The following NTM variants were observed in gnomAD, a reference collection of about 807,000 sequenced individuals.
NTM encodes the protein IgLON family member 2.
A neutral mutation model predicts 42.1 loss-of-function variants in NTM; 13 were observed. That is an observed-to-expected ratio of 0.31 (90% CI 0.20 to 0.49). NTM has a LOEUF of 0.49. Ranked by LOEUF, NTM falls within the 20% of genes least tolerant of loss-of-function variation. The probability of loss-of-function intolerance (pLI) is 0.99; values close to 1 mark genes in which losing one functional copy is unlikely to be tolerated. For missense variants in NTM, 373 were observed against 452.8 expected (o/e 0.82, Z 1.60); for synonymous variants, 187 against 179.2 (o/e 1.04, Z -0.35).
At chr11:131,881,610 A>G (rs918061935) in intron 1 of NTM, among the ~76,000 whole-genome samples, 4 of 151,958 alleles carry the variant, frequency 2.6e-5, no homozygotes, top group Admixed American at 2.6e-4. Flanking sequence ...GTGAGGCAGC[A>G]TTTTACTCCT....
chr11:132,014,816 C>A (rs990389339), intron 2 of NTM, among the ~76,000 whole-genome samples: 3 of 135,562 alleles, frequency 2.2e-5, no homozygotes, highest in Non-Finnish European at 4.6e-5. Context: ...AAATAGTTTG[C>A]AAATACTTTC....
intron 4 of NTM, among the ~76,000 whole-genome samples, chr11:132,232,004 G>A (rs982315234): frequency 2.0e-5 from 3 of 152,176 alleles, no homozygotes; most frequent in Non-Finnish European, 4.4e-5. Flanking sequence ...GTGGGTGGAA[G>A]GCAGAGCAAG....
At chr11:131,825,485 G>T (rs11222806) in intron 1 of NTM, among the ~76,000 whole-genome samples, 16,384 of 152,158 alleles carry the variant, frequency 0.11, 994 homozygotes, top group Admixed American at 0.19. Flanking sequence ...GGACTGGTAA[G>T]TCATGTTACG....
chr11:132,133,219 C>G lies in NTM; in HGVS notation c.168-13063C>G, dbSNP rs188743973. On this transcript the variant is annotated intron_variant, in intron 2 of 8. Transcript: ENST00000683400. ...TCAGCAGAAACTTCACTTCTACAAG[C>G]CCTTCCCTGACCCATTAGACTAGGC... Among the ~76,000 whole-genome samples, 305 of 152,320 alleles carry G rather than the reference C, an allele frequency of 2.0e-3. 1 individual carries two copies. The highest frequency in any genetic ancestry group is 7.1e-3 in the African/African-American group (295 of 41,576).
chr11:131,521,383 CTTTTTTTT>C (rs773233050), intron 1 of NTM, among the ~76,000 whole-genome samples: 37 of 45,710 alleles, frequency 8.1e-4, no homozygotes, highest in African/African-American at 1.5e-3. Context: ...AGGTGCCAGT[CTTTTTTTT>C]TTTTTTTTTT....
chr11:132,017,115 GT>G (rs950594641), intron 2 of NTM, among the ~76,000 whole-genome samples: 2 of 151,244 alleles, frequency 1.3e-5, no homozygotes, highest in East Asian at 1.9e-4. Context: ...TAAATGGTGG[GT>G]TTTTTTTGAA....
intron 1 of NTM, among the ~76,000 whole-genome samples, chr11:131,855,561 T>A (rs748808471): frequency 1.3e-5 from 2 of 152,236 alleles, no homozygotes; most frequent in Non-Finnish European, 2.9e-5. Context: ...ATCATTTTCC[T>A]TTTTCCTGTT....
chr11:131,900,552 T>C (rs531827706), intron 1 of NTM, among the ~76,000 whole-genome samples: 17 of 152,174 alleles, frequency 1.1e-4, no homozygotes, highest in Non-Finnish European at 2.1e-4. Flanking sequence ...TGAGGAGATC[T>C]TGGCTTGGGC....
In NTM at chr11:132,003,056, G is replaced by A. The variant is rs181175084; in HGVS notation, c.167+91408G>A. Among the ~76,000 whole-genome samples the A allele has an allele frequency of 1.8e-4, 27 of 152,170 alleles. No individual in the cohort carries two copies. The highest frequency in any genetic ancestry group is 3.4e-3 in the Middle Eastern group (1 of 294). On this transcript the variant is annotated intron_variant, in intron 2 of 8. Coordinates refer to ENST00000683400, the MANE Select transcript of NTM (RefSeq NM_001352005.2). The surrounding 1 kb of genome is among the most constrained non-coding windows in gnomAD (Gnocchi z 6.0). ...AGGGTTAGGAAAGTAACTAGTGAGCGCACTAAACAGTAAGATGCGCTGCCA... is the reference window on the plus strand; with the variant it reads ...AGGGTTAGGAAAGTAACTAGTGAGCACACTAAACAGTAAGATGCGCTGCCA...
intron 4 of NTM, among the ~76,000 whole-genome samples, chr11:132,285,755 C>T (rs188205653): frequency 1.2e-4 from 19 of 152,288 alleles, no homozygotes; most frequent in South Asian, 2.1e-4. Flanking sequence ...CAATCTTCCC[C>T]GACTCTGCTC....
intron 1 of NTM, among the ~76,000 whole-genome samples, chr11:131,871,573 A>G (rs899133351): frequency 2.3e-4 from 35 of 152,196 alleles, no homozygotes; most frequent in Non-Finnish European, 4.9e-4. Context: ...TGCCTCTTCT[A>G]TGTTTATTAA....
At chr11:131,391,644 G>GAAAA (rs5795723) in intron 1 of NTM, among the ~76,000 whole-genome samples, 22 of 81,558 alleles carry the variant, frequency 2.7e-4, no homozygotes, top group Non-Finnish European at 3.1e-4. Flanking sequence ...TTTTATCTGG[G>GAAAA]AAAAAAAAAA....
chr11:132,151,597 G>GT (rs1172329442), intron 3 of NTM, among the ~76,000 whole-genome samples: 1 of 152,172 alleles, frequency 6.6e-6, no homozygotes, highest in African/African-American at 2.4e-5. Flanking sequence ...TTTCTCTTTT[G>GT]TCACTGGAGT....
chr11:132,232,076 A>G (rs1314529925), intron 4 of NTM, among the ~76,000 whole-genome samples: 1 of 152,194 alleles, frequency 6.6e-6, no homozygotes, highest in Non-Finnish European at 1.5e-5. Context: ...AAAGGGAATT[A>G]AAAACTTCAC....
intron 4 of NTM, among the ~76,000 whole-genome samples, chr11:132,285,605 T>G (rs967549134): frequency 6.6e-6 from 1 of 152,116 alleles, no homozygotes; most frequent in African/African-American, 2.4e-5. Context: ...CCATTACACT[T>G]ATCACTTTTT....
intron 2 of NTM, among the ~76,000 whole-genome samples, chr11:132,073,855 C>A (rs540511907): frequency 1.3e-5 from 2 of 152,098 alleles, no homozygotes; most frequent in Admixed American, 6.6e-5. Flanking sequence ...GGCCACAAAC[C>A]TGTTTGGGGT....
At chr11:131,701,534 G>A (rs534078587) in intron 1 of NTM, among the ~76,000 whole-genome samples, 1 of 152,218 alleles carries the variant, frequency 6.6e-6, no homozygotes, top group Non-Finnish European at 1.5e-5. Flanking sequence ...GGATCCAGAG[G>A]CACGGGCAAG....
chr11:131,643,051 GAAAA>G (rs34377077), intron 1 of NTM, among the ~76,000 whole-genome samples: 10 of 132,034 alleles, frequency 7.6e-5, no homozygotes, highest in African/African-American at 1.9e-4. Context: ...GAAAAAGAAT[GAAAA>G]AAAAAAAAAA....
intron 2 of NTM, among the ~76,000 whole-genome samples, chr11:132,056,879 T>G (rs2079764581): frequency 6.6e-6 from 1 of 152,210 alleles, no homozygotes. Context: ...ATGCCAAGCC[T>G]AGCCTTGTGT....
Sources: gnomAD v4.1 joint callset for allele counts (sites outside exome capture counted in the v4.1 genomes callset) on GRCh38, gnomAD v4.1.1 for gene constraint, Gnocchi (gnomAD v3.1) non-coding constraint, MANE v1.5 for transcripts, NCBI Gene and HGNC (gene_info 2026-07-23, HGNC 2026-07-21) for gene names.